LRP5: variants seen among roughly 807,000 people sequenced by gnomAD.
The protein encoded by LRP5 is low-density lipoprotein receptor-related protein 5.
Under a neutral mutation model 154.1 loss-of-function variants are expected in LRP5, and 62 were observed. The observed-to-expected ratio is 0.40, with a 90% confidence interval of 0.33 to 0.50. The LOEUF is 0.50. LRP5 is among the 20% of genes least tolerant of loss of function. The probability of loss-of-function intolerance (pLI) is 0.55; values close to 1 mark genes in which losing one functional copy is unlikely to be tolerated. For synonymous variants in LRP5, 966 were observed against 1,011.5 expected (o/e 0.96, Z 0.85); for missense variants, 1,915 against 2,336.7 (o/e 0.82, Z 3.72).
At chr11:68,356,958 T>C (rs1218093257) in intron 2 of LRP5, among the ~76,000 whole-genome samples, 2 of 150,818 alleles carry the variant, frequency 1.3e-5, no homozygotes, top group African/African-American at 4.9e-5. Flanking sequence ...TTTTTTGAGA[T>C]GGAGTCTCGC....
At chr11:68,434,014 TGTCCCACCAG>T (rs1171442436) in intron 18 of LRP5, among the ~76,000 whole-genome samples, 176 bp downstream of exon 18, 1 of 152,242 alleles carries the variant, frequency 6.6e-6, no homozygotes, top group East Asian at 1.9e-4. Flanking sequence ...CCACCCATCC[TGTCCCACCAG>T]GTAGTGTGGC....
chr11:68,406,711 T>C lies in LRP5; in HGVS notation c.1989T>C (p.Asn663=), dbSNP rs2098655901. The C allele has an allele frequency of 1.2e-6, 2 of 1,614,154 alleles. No individual in the cohort carries two copies. Among genetic ancestry groups the C allele is most frequent in the South Asian group, 2.2e-5 (2 of 91,076 alleles). Residue 663 remains asparagine, a synonymous_variant, in exon 9 of 23, where the codon AAT becomes AAC. Coordinates refer to ENST00000294304, the MANE Select transcript of LRP5 (RefSeq NM_002335.4). ...AAIHRISLET[N]NNDVAIPLTG... is the part of the protein sequence containing the mutation. ...TCCACAGGATCTCCCTCGAGACCAA[T>C]AACAACGACGTGGCCATCCCGCTCA...
chr11:68,373,274 G>T (rs2098635363), intron 5 of LRP5, among the ~76,000 whole-genome samples: 1 of 152,166 alleles, frequency 6.6e-6, no homozygotes, highest in Non-Finnish European at 1.5e-5. Context: ...AGGGAGTCAG[G>T]TGCCTTCCCC....
chr11:68,448,030 G>A (rs1334477190), intron 22 of LRP5, among the ~76,000 whole-genome samples: 2 of 152,168 alleles, frequency 1.3e-5, no homozygotes, highest in East Asian at 1.9e-4. Context: ...GAGGTTTAAC[G>A]GACTCACAGT....
At chr11:68,436,667 G>A (rs904498923) in intron 18 of LRP5, among the ~76,000 whole-genome samples, 6 of 152,176 alleles carry the variant, frequency 3.9e-5, no homozygotes, top group Admixed American at 6.5e-5. Context: ...CAGGAGGTGC[G>A]TTGAGGTCTC....
the LRP5 span, among the ~76,000 whole-genome samples, chr11:68,301,772 C>A: frequency 6.1e-5 from 9 of 147,704 alleles, no homozygotes; most frequent in African/African-American, 1.7e-4. Flanking sequence ...ACTACAGGCG[C>A]CCGCCACCAT....
intron 1 of LRP5, among the ~76,000 whole-genome samples, chr11:68,333,290 C>T (rs189244062): frequency 1.6e-4 from 25 of 152,272 alleles, no homozygotes; most frequent in Non-Finnish European, 2.6e-4. Flanking sequence ...GAAATTTCCA[C>T]GAGAAGCTAA....
At chr11:68,308,264 C>G (rs1180056286), upstream of LRP5, among the ~76,000 whole-genome samples, 9 of 152,164 alleles carry the variant, frequency 5.9e-5, no homozygotes, top group Non-Finnish European at 1.3e-4. Context: ...TTGGGGGGGG[C>G]TCTTGTGCCC....
chr11:68,449,043 T>A lies in LRP5; in HGVS notation c.4821T>A (p.Pro1607=), dbSNP rs773843568. The change falls in exon 23 of 23, where the codon CCT becomes CCA. Residue 1607 remains proline (P), a synonymous_variant. Coordinates refer to ENST00000294304, the MANE Select transcript of LRP5 (RefSeq NM_002335.4). Reference sequence around the variant, plus strand: ...GCTACTTCCATCTCTTCCCGCCCCCTCCGTCCCCCTGCACGGACTCATCCT... The same window carrying A: ...GCTACTTCCATCTCTTCCCGCCCCCACCGTCCCCCTGCACGGACTCATCCT... The part of the protein sequence containing the change: ...ERSYFHLFPP[P]PSPCTDSS The A allele has an allele frequency of 7.0e-6, 11 of 1,575,864 alleles. No homozygotes were observed. In the Admixed American group the frequency reaches 1.9e-4, roughly 27 times the overall value.
At chr11:68,316,274 C>T (rs2098593333) in intron 1 of LRP5, among the ~76,000 whole-genome samples, 1 of 151,970 alleles carries the variant, frequency 6.6e-6, no homozygotes, top group African/African-American at 2.4e-5. Flanking sequence ...GTGTTTCAGC[C>T]TTTTATTTTT....
At chr11:68,416,221 C>A (rs539596848) in intron 12 of LRP5, 107 bp from the exon 13 acceptor site, 1 of 922,990 alleles carries the variant, frequency 1.1e-6, no homozygotes, top group Non-Finnish European at 1.8e-6. Context: ...GGACCTCCAG[C>A]GGGGCAGATG....
intron 1 of LRP5, among the ~76,000 whole-genome samples, chr11:68,342,290 C>G (rs2098609633): frequency 6.6e-6 from 1 of 152,132 alleles, no homozygotes; most frequent in African/African-American, 2.4e-5. Flanking sequence ...ACGTTCTCCC[C>G]TCTCCCCACC....
chr11:68,314,719 C>G lies in LRP5; in HGVS notation c.91+1914C>G, dbSNP rs528144082. Among the ~76,000 whole-genome samples the G allele has an allele frequency of 2.8e-3, 422 of 152,366 alleles. 1 individual carries two copies. Among genetic ancestry groups the G allele is most frequent in the Admixed American group, 5.1e-3 (78 of 15,310 alleles). On this transcript the variant is annotated intron_variant, in intron 1 of 22. Transcript: ENST00000294304. Reference sequence around the variant, plus strand: ...GGCCTGTCCAGGCACCCCCTCTCCCCCTGGAGGTTCCTCCTGTAGATGCCC... The same window carrying G: ...GGCCTGTCCAGGCACCCCCTCTCCCGCTGGAGGTTCCTCCTGTAGATGCCC...
chr11:68,433,822 C>G lies in LRP5; in HGVS notation c.3984C>G (p.Asp1328Glu). 1 of 1,612,508 alleles carries G rather than the reference C, an allele frequency of 6.2e-7. No individual in the cohort carries two copies. The highest frequency in any genetic ancestry group is 8.5e-7 in the Non-Finnish European group (1 of 1,179,722). The change falls in exon 18 of 23, where the codon GAC becomes GAG. Residue 1328 changes from aspartate to glutamate, a missense_variant. Physicochemically the swap from Asp to Glu is conservative, Grantham distance 45. This residue lies in a region of LRP5 where 1,094 missense variants were observed against 1,210.1 expected (regional missense o/e 0.90). Transcript: ENST00000294304. ...DGEADCQDRS[D>E]EADCDAICLP... ...AGGCAGACTGTCAGGACCGCTCAGA[C>G]GAGGCGGACTGTGACGGTGAGGCCC...
At chr11:68,360,814 G>T (rs1416041010) in intron 3 of LRP5, among the ~76,000 whole-genome samples, 1 of 141,414 alleles carries the variant, frequency 7.1e-6, no homozygotes, top group Non-Finnish European at 1.5e-5. Context: ...TGGCTAACAC[G>T]GTGAAACCTC....
At chr11:68,392,890 G>A (rs1287997518) in intron 7 of LRP5, among the ~76,000 whole-genome samples, 3 of 152,048 alleles carry the variant, frequency 2.0e-5, no homozygotes, top group Admixed American at 2.0e-4. Flanking sequence ...ATTCTGGGAG[G>A]CCAAGGCGGG....
At chr11:68,412,015 C>T (rs1405308142) in intron 11 of LRP5, among the ~76,000 whole-genome samples, 2 of 152,144 alleles carry the variant, frequency 1.3e-5, no homozygotes, top group Non-Finnish European at 2.9e-5. Context: ...CCCAGAGATA[C>T]CAGGGCCAGC....
At chr11:68,357,156 T>C (rs560147516) in intron 2 of LRP5, among the ~76,000 whole-genome samples, 5 of 152,188 alleles carry the variant, frequency 3.3e-5, no homozygotes, top group Non-Finnish European at 5.9e-5. Context: ...AGGATGGTCT[T>C]GATCTCCCGA....
intron 1 of LRP5, among the ~76,000 whole-genome samples, chr11:68,337,220 G>C (rs978437363): frequency 6.6e-6 from 1 of 152,176 alleles, no homozygotes; most frequent in Non-Finnish European, 1.5e-5. Context: ...ATGCCGATGC[G>C]GGGTGGACAG....
Sources: allele counts gnomAD v4.1 joint callset (sites outside exome capture counted in the v4.1 genomes callset), GRCh38; gene constraint gnomAD v4.1.1; regional missense constraint gnomAD v4.1.1; transcripts MANE v1.5; gene names NCBI Gene and HGNC (gene_info 2026-07-23, HGNC 2026-07-21).